Variants in ADK observed in about 807,000 individuals in gnomAD.
ADK encodes the protein adenosine kinase, also known as N6,N6-dimethyladenosine kinase.
A neutral mutation model predicts 44.7 loss-of-function variants in ADK; 24 were observed. The ratio of observed to expected loss-of-function variants is 0.54; its 90% CI spans 0.39 to 0.76. ADK has a LOEUF of 0.76. Ranked by LOEUF, ADK falls within the 30% of genes least tolerant of loss-of-function variation. ADK has a pLI of 0.00. For missense variants in ADK, 321 were observed against 425.1 expected, an observed-to-expected ratio of 0.76 and a Z score of 2.15; for synonymous variants, 128 against 142.6, an observed-to-expected ratio of 0.90 and a Z score of 0.73.
chr10:74,464,624 A>C (rs78998327), intron 6 of ADK, among the ~76,000 whole-genome samples: 20 of 152,304 alleles, frequency 1.3e-4, no homozygotes, highest in African/African-American at 4.3e-4. Flanking sequence ...GTTTTACTGT[A>C]TATTTGTTTC....
chr10:74,695,619 G>GGGGGTGT lies in ADK; in HGVS notation c.965-12701_965-12700insGGGTGTG, dbSNP rs1480624866. ...TTTTACAATTCCTGTGTATGTGTGG[G>GGGGGTGT]GTGTGTGTGTGTGTGTGTGTGTGTG... On this transcript the variant is annotated intron_variant, in intron 10 of 10. Transcript: ENST00000539909. Among the ~76,000 whole-genome samples the GGGGGTGT allele has an allele frequency of 1.8e-4, 16 of 90,118 alleles. No homozygotes were observed. The South Asian group carries it at 4.7e-3, about 27-fold the overall frequency. 59.1% of individuals were successfully genotyped at this position (90,118 alleles called of 152,430 possible).
At chr10:74,267,754 T>TTGTGTGTGTGTGTGTGTGTG (rs372502769) in intron 3 of ADK, among the ~76,000 whole-genome samples, 66 of 132,844 alleles carry the variant, frequency 5.0e-4, no homozygotes, top group South Asian at 2.5e-3. Context: ...ATATCCTTAT[T>TTGTGTGTGTGTGTGTGTGTG]TGTGTGTGTG....
At chr10:74,377,464 A>T (rs1345872214) in intron 4 of ADK, among the ~76,000 whole-genome samples, 1 of 152,218 alleles carries the variant, frequency 6.6e-6, no homozygotes, top group Non-Finnish European at 1.5e-5. Flanking sequence ...CATGTTACAT[A>T]TGTCCCATGT....
chr10:74,390,431 T>C (rs1843293114), intron 4 of ADK, among the ~76,000 whole-genome samples: 1 of 152,164 alleles, frequency 6.6e-6, no homozygotes, highest in Non-Finnish European at 1.5e-5. Context: ...ATTTTCTAAC[T>C]TACAGAATAG....
chr10:74,540,922 C>G (rs1849604622), intron 7 of ADK, among the ~76,000 whole-genome samples: 1 of 152,026 alleles, frequency 6.6e-6, no homozygotes, highest in Admixed American at 6.5e-5. Flanking sequence ...GTCAAGAAGC[C>G]AAAATTCTGA....
chr10:74,391,237 T>G (rs549008238), intron 4 of ADK, among the ~76,000 whole-genome samples: 3 of 152,300 alleles, frequency 2.0e-5, no homozygotes, highest in Admixed American at 6.5e-5. Flanking sequence ...ATTTGATACC[T>G]TCTTTGATTT....
At chr10:74,374,923 A>G (rs1842772410) in intron 4 of ADK, among the ~76,000 whole-genome samples, 1 of 152,120 alleles carries the variant, frequency 6.6e-6, no homozygotes, top group African/African-American at 2.4e-5. Context: ...CCTTTATTAT[A>G]ACACTCCTCG....
chr10:74,379,194 G>A lies in ADK; in HGVS notation c.274-14947G>A, dbSNP rs111534928. 3.3e-5 allele frequency among the ~76,000 whole-genome samples: 5 copies of A among 152,282 alleles called. No homozygotes were observed. The South Asian group carries it at 6.2e-4, about 19-fold the overall frequency. On this transcript the variant is annotated intron_variant, in intron 4 of 10. Coordinates refer to ENST00000539909, the MANE Select transcript of ADK (RefSeq NM_006721.4). The stretch of plus-strand genomic sequence containing the variant: ...ATTTAAAAAGGACAGCTCTATGTGC[G>A]TGGAGTCAAGGATGGAAGCAGAGAG...
chr10:74,489,912 A>G (rs1326580198), intron 6 of ADK, among the ~76,000 whole-genome samples: 1 of 152,008 alleles, frequency 6.6e-6, no homozygotes, highest in Non-Finnish European at 1.5e-5. Context: ...TGGATTTGCA[A>G]TGCTCTCTTA....
intron 6 of ADK, among the ~76,000 whole-genome samples, chr10:74,429,170 C>T (rs947006633): frequency 1.4e-4 from 21 of 152,124 alleles, no homozygotes; most frequent in African/African-American, 4.6e-4. Flanking sequence ...CAGGGAAAAA[C>T]ATCTTAAAGT....
At chr10:74,375,649 AT>A (rs200131339) in intron 4 of ADK, among the ~76,000 whole-genome samples, 58 of 148,580 alleles carry the variant, frequency 3.9e-4, no homozygotes, top group African/African-American at 6.9e-4. Context: ...GGCAAGAGCC[AT>A]TTTTTTTTTT....
chr10:74,619,012 T>TTTTG, intron 9 of ADK, among the ~76,000 whole-genome samples: 1 of 139,474 alleles, frequency 7.2e-6, no homozygotes, highest in African/African-American at 2.7e-5. Context: ...TTTATGCTCT[T>TTTTG]TGTGTGTGTG....
chr10:74,501,429 G>C (rs1219097011), intron 6 of ADK, among the ~76,000 whole-genome samples: 4 of 152,064 alleles, frequency 2.6e-5, no homozygotes, highest in African/African-American at 4.8e-5. Context: ...TCATGAATCA[G>C]AAGTTACAAT....
chr10:74,377,728 C>T (rs562259217), intron 4 of ADK, among the ~76,000 whole-genome samples: 1 of 152,192 alleles, frequency 6.6e-6, no homozygotes, highest in South Asian at 2.1e-4. Flanking sequence ...TCTTTCTTTT[C>T]CAGGGCTGGT....
chr10:74,428,860 A>G (rs1210268631), intron 6 of ADK, among the ~76,000 whole-genome samples: 9 of 152,244 alleles, frequency 5.9e-5, no homozygotes, highest in Admixed American at 1.3e-4. Context: ...GTGAGAGTCA[A>G]ATGAACATTG....
At chr10:74,406,468 C>T (rs188069140) in intron 6 of ADK, among the ~76,000 whole-genome samples, 250 of 150,574 alleles carry the variant, frequency 1.7e-3, no homozygotes, top group African/African-American at 6.0e-3. Context: ...AATAAGTTTT[C>T]TCTTTCCACC....
At chr10:74,644,198 T>G (rs1831756272) in intron 9 of ADK, among the ~76,000 whole-genome samples, 1 of 152,192 alleles carries the variant, frequency 6.6e-6, no homozygotes, top group Admixed American at 6.5e-5. Flanking sequence ...TGGGAAACTG[T>G]TAAAGAGCAG....
intron 7 of ADK, among the ~76,000 whole-genome samples, chr10:74,536,370 G>C (rs1283794938): frequency 6.6e-6 from 1 of 151,724 alleles, no homozygotes; most frequent in Non-Finnish European, 1.5e-5. Context: ...GGTTAGACAC[G>C]TGCTGGGACA....
intron 3 of ADK, among the ~76,000 whole-genome samples, chr10:74,264,995 T>C (rs1001056275): frequency 6.6e-6 from 1 of 152,140 alleles, no homozygotes; most frequent in Non-Finnish European, 1.5e-5. Flanking sequence ...TTATTTTTTG[T>C]AGAGACAGGG....
Sources: gnomAD v4.1 joint callset for allele counts (sites outside exome capture counted in the v4.1 genomes callset) on GRCh38, gnomAD v4.1.1 for gene constraint, MANE v1.5 for transcripts, NCBI Gene and HGNC (gene_info 2026-07-23, HGNC 2026-07-21) for gene names.